Variants in NLRC5 observed in about 807,000 individuals in gnomAD.
NLRC5 encodes the protein NLR family CARD domain containing 5.
NLRC5 carries 114 observed loss-of-function variants against 206.9 expected under a neutral mutation model. The ratio of observed to expected loss-of-function variants is 0.55; its 90% confidence interval spans 0.47 to 0.64. The LOEUF is 0.64. NLRC5 is among the 30% of genes least tolerant of loss of function. NLRC5 has a pLI of 0.00. For synonymous variants in NLRC5, 952 were observed against 962.8 expected (o/e 0.99, Z 0.21); for missense variants, 2,008 against 2,305.5 (o/e 0.87, Z 2.64).
chr16:56,993,345 G>A (rs754340313), intron 1 of NLRC5, among the ~76,000 whole-genome samples: 14 of 151,326 alleles, frequency 9.3e-5, no homozygotes, highest in Middle Eastern at 6.8e-3. Context: ...GTATTTCACC[G>A]TATGACTGCT....
At chr16:57,035,615 C>G (rs2062454615) in intron 13 of NLRC5, among the ~76,000 whole-genome samples, 1 of 152,212 alleles carries the variant, frequency 6.6e-6, no homozygotes, top group Non-Finnish European at 1.5e-5. Context: ...TACTGAACTC[C>G]CAGTTATTTC....
chr16:57,046,750 A>G (rs560436798), intron 22 of NLRC5, 109 bp downstream of exon 22: 3 of 858,592 alleles, frequency 3.5e-6, no homozygotes, highest in Non-Finnish European at 5.4e-6. Context: ...GAGGGAAGAG[A>G]GGGAGTTTAA....
chr16:57,067,638 G>GTAGCCCCTTCTCCTCTCT lies in NLRC5; in HGVS notation c.4407-97_4407-96insAGCCCCTTCTCCTCTCTT, dbSNP rs1567634459. On this transcript the variant is annotated intron_variant, in intron 35 of 48. Coordinates refer to ENST00000688547, the MANE Select transcript of NLRC5 (RefSeq NM_001384950.1). ...CAGGGTGGCTCAGGGGAGCTCTTGG[G>GTAGCCCCTTCTCCTCTCT]TGGCCCCTTCTCCTCTCTTGGCACC... 3.3e-5 allele frequency: 45 copies of GTAGCCCCTTCTCCTCTCT among 1,382,746 alleles called. No individual in the cohort carries two copies. The East Asian group carries it at 5.3e-4, about 16-fold the overall frequency. 85.7% of individuals were successfully genotyped at this position (1,382,746 alleles called of 1,614,324 possible). A position where few individuals can be genotyped will look rare whatever the true frequency, so the allele number is the denominator to read the frequency against.
intron 33 of NLRC5, among the ~76,000 whole-genome samples, chr16:57,066,320 A>G (rs1444143324): frequency 6.6e-6 from 1 of 151,986 alleles, no homozygotes; most frequent in Admixed American, 6.5e-5. Flanking sequence ...AAAAAAAAAA[A>G]AAGAAAGAGA....
In NLRC5 at chr16:57,036,084, G is replaced by GA. The variant is rs1470313529; in HGVS notation, c.2628-16_2628-15insA. 6.4e-7 allele frequency: 1 copy of GA among 1,570,888 alleles called. No homozygotes were observed. Among genetic ancestry groups the GA allele is most frequent in the Non-Finnish European group, 8.6e-7 (1 of 1,163,330 alleles). ...CTCCAGCCCCACAATACAGTGCATT[G>GA]GGCCCCCCGTCTCAGCCTCTCAGGG... is the stretch of plus-strand genomic sequence containing the variant. On this transcript the variant is annotated splice_polypyrimidine_tract_variant and intron_variant, in intron 13 of 48. Transcript: ENST00000688547.
In NLRC5 at chr16:57,025,791, G is replaced by A. The variant is rs756485667; in HGVS notation, c.848G>A (p.Ser283Asn). ...GAGCTCCTTTTTGATCTGTACCTGA[G>A]CCCTGAATCGGACCACGACACTGTC... is the stretch of plus-strand genomic sequence containing the variant. ...PSELLFDLYL[S>N]PESDHDTVFQ... Residue 283 changes from serine (S) to asparagine (N), a missense_variant, in exon 6 of 49, where the codon AGC (serine) becomes AAC (asparagine). Coordinates refer to ENST00000688547, the MANE Select transcript of NLRC5 (RefSeq NM_001384950.1). 2 of 1,614,204 alleles carry A rather than the reference G, an allele frequency of 1.2e-6. No homozygotes were observed. Among genetic ancestry groups the A allele is most frequent in the South Asian group, 2.2e-5 (2 of 91,092 alleles).
intron 1 of NLRC5, among the ~76,000 whole-genome samples, chr16:56,990,122 A>C (rs2056628679): frequency 6.6e-6 from 1 of 152,172 alleles, no homozygotes; most frequent in African/African-American, 2.4e-5. Context: ...AGCCTTCTGC[A>C]CCTGCGGGTT....
intron 36 of NLRC5, 189 bp from the exon 37 acceptor site, chr16:57,069,647 T>C (rs1435296843): frequency 1.3e-5 from 8 of 605,286 alleles, no homozygotes; most frequent in Non-Finnish European, 2.4e-5. Flanking sequence ...AACTAGTCCA[T>C]GCTTCTGCTT....
At chr16:57,060,093 C>T (rs940936593) in intron 30 of NLRC5, among the ~76,000 whole-genome samples, 1 of 151,362 alleles carries the variant, frequency 6.6e-6, no homozygotes, top group Non-Finnish European at 1.5e-5. Flanking sequence ...TGACTCACTG[C>T]CACGGCCAGT....
intron 19 of NLRC5, among the ~76,000 whole-genome samples, chr16:57,043,237 T>C (rs1401141325): frequency 6.6e-6 from 1 of 152,110 alleles, no homozygotes; most frequent in Non-Finnish European, 1.5e-5. Context: ...CAGAAAGCAC[T>C]CCTCAGATCC....
At chr16:57,062,339 A>G in intron 32 of NLRC5, 1 of 340,892 alleles carries the variant, frequency 2.9e-6, no homozygotes, top group Non-Finnish European at 5.6e-6. Context: ...AAATGTCCCC[A>G]TTGTCCCCCA....
At chr16:57,053,656 G>A (rs181616506) in intron 24 of NLRC5, among the ~76,000 whole-genome samples, 1 of 152,194 alleles carries the variant, frequency 6.6e-6, no homozygotes, top group Non-Finnish European at 1.5e-5. Flanking sequence ...AGCCTCCCAA[G>A]TAGCTGGGAT....
chr16:57,064,223 AT>A lies in NLRC5; in HGVS notation c.4155-988del, dbSNP rs1465514683. Among the ~76,000 whole-genome samples, 4 of 152,152 alleles carry A rather than the reference AT, an allele frequency of 2.6e-5. No homozygotes were observed. The East Asian group carries it at 7.8e-4, about 30-fold the overall frequency. On this transcript the variant is annotated intron_variant, in intron 32 of 48. Transcript: ENST00000688547. ...ATCTACAAAAAATAAAAATAAAAAA[AT>A]AATATTTAATCATTGTTGAAATGTG...
chr16:57,082,181 G>A (rs1444015223), intron 48 of NLRC5, among the ~76,000 whole-genome samples: 1 of 152,224 alleles, frequency 6.6e-6, no homozygotes, highest in Non-Finnish European at 1.5e-5. Context: ...TGTGTCATAT[G>A]AGTGTGGCCT....
intron 39 of NLRC5, 65 bp downstream of exon 39, chr16:57,074,748 C>T: frequency 1.3e-6 from 2 of 1,491,038 alleles, no homozygotes; most frequent in Admixed American, 3.4e-5. Context: ...GTTGGGACCA[C>T]ATCCAGGGAA....
chr16:57,059,533 G>A lies in NLRC5; in HGVS notation c.3986+1G>A. Reference sequence around the variant, plus strand: ...AGGACCAGGCTGGGAAGACACTCAGGTAATCCCTGCAGGGTGATGGGACAG... The same window carrying A: ...AGGACCAGGCTGGGAAGACACTCAGATAATCCCTGCAGGGTGATGGGACAG... On this transcript the variant is annotated splice_donor_variant, in intron 30 of 48. Transcript: ENST00000688547. LOFTEE classifies it high-confidence loss of function. 3 of 1,610,550 alleles carry A rather than the reference G, an allele frequency of 1.9e-6. No individual in the cohort carries two copies. Among genetic ancestry groups the A allele is most frequent in the African/African-American group, 1.3e-5 (1 of 75,002 alleles).
chr16:57,006,651 T>G (rs1246943118), intron 1 of NLRC5, among the ~76,000 whole-genome samples: 1 of 151,842 alleles, frequency 6.6e-6, no homozygotes, highest in Non-Finnish European at 1.5e-5. Flanking sequence ...TTTTCCAATC[T>G]TTTGCTATTA....
Position 57,017,992 on chromosome 16 carries a change from G to A in NLRC5, c.-13+804G>A, listed in dbSNP as rs961326113. ...CCATGTGCTTTTTCTCCTGAGGATG[G>A]TTAGCCTTAAAGAGATTTGTGTCAT... On this transcript the variant is annotated intron_variant, in intron 2 of 48. Transcript: ENST00000688547. Among the ~76,000 whole-genome samples, 5 of 152,226 alleles carry A rather than the reference G, an allele frequency of 3.3e-5. 1 individual carries two copies. In the South Asian group the frequency reaches 1.0e-3, roughly 32 times the overall value.
chr16:57,057,287 A>G (rs62037273), intron 27 of NLRC5, among the ~76,000 whole-genome samples: 13,946 of 152,206 alleles, frequency 0.092, 830 homozygotes, highest in African/African-American at 0.16. Context: ...AGCCAGGCAT[A>G]GTGGCACATG....
Sources: gnomAD v4.1 joint callset for allele counts (sites outside exome capture counted in the v4.1 genomes callset) on GRCh38, gnomAD v4.1.1 for gene constraint, MANE v1.5 for transcripts, NCBI Gene and HGNC (gene_info 2026-07-23, HGNC 2026-07-21) for gene names.